The following XYLT1 variants were observed in gnomAD, a reference collection of about 807,000 sequenced individuals.
XYLT1 encodes beta-D-xylosyltransferase 1.
Under a neutral mutation model 91.3 loss-of-function variants are expected in XYLT1, and 36 were observed. The ratio of observed to expected loss-of-function variants is 0.39; its 90% CI spans 0.30 to 0.52. The LOEUF (loss-of-function observed/expected upper bound fraction) is 0.52. Ranked by LOEUF, XYLT1 falls within the 20% of genes least tolerant of loss-of-function variation. The pLI, the probability that XYLT1 is intolerant of heterozygous loss-of-function variation, is 0.68. For missense variants in XYLT1, 1,242 were observed against 1,284.5 expected, an observed-to-expected ratio of 0.97 and a Z score of 0.51; for synonymous variants, 588 against 532.0, an observed-to-expected ratio of 1.11 and a Z score of -1.45.
intron 3 of XYLT1, among the ~76,000 whole-genome samples, chr16:17,222,518 A>C (rs1354287394): frequency 6.6e-6 from 1 of 152,322 alleles, no homozygotes; most frequent in Non-Finnish European, 1.5e-5. Context: ...GACCGGGCGC[A>C]GTGGCTTACG....
chr16:17,175,620 C>A (rs2031926149), intron 5 of XYLT1, among the ~76,000 whole-genome samples: 1 of 152,172 alleles, frequency 6.6e-6, no homozygotes. Flanking sequence ...GAACTTACCT[C>A]CCTGTCCTCT....
chr16:17,122,800 C>T (rs530863183), intron 10 of XYLT1, among the ~76,000 whole-genome samples: 4 of 152,306 alleles, frequency 2.6e-5, no homozygotes, highest in East Asian at 3.9e-4. Flanking sequence ...TTCTTCTACA[C>T]GTGGCTTGCC....
chr16:17,388,525 C>A (rs1044095268), intron 1 of XYLT1, among the ~76,000 whole-genome samples: 1 of 152,136 alleles, frequency 6.6e-6, no homozygotes, highest in African/African-American at 2.4e-5. Flanking sequence ...TGAGCCCCAA[C>A]TTCTTCCTCT....
rs2032470227 is a variant in XYLT1 at position 17,198,279 on chromosome 16, G to A, written c.1222C>T (p.Leu408Phe). 6.2e-7 allele frequency: 1 copy of A among 1,614,084 alleles called. No homozygotes were observed. Among genetic ancestry groups the A allele is most frequent in the Non-Finnish European group, 8.5e-7 (1 of 1,180,030 alleles). Residue 408 changes from leucine to phenylalanine, a missense_variant, in exon 5 of 12, where the codon CTC becomes TTC. Physicochemically the swap from Leu to Phe is conservative, Grantham distance 22. This residue lies in a region of XYLT1 where 294 missense variants were observed against 376.0 expected (regional missense o/e 0.78). Transcript: ENST00000261381. ...LSTYLQSMRD[L>F]LEMTDWPWDF... ...CAGGGCCAGTCGGTCATCTCCAGGA[G>A]GTCCCGCATGCTCTGCAGGTAGGTG...
intron 2 of XYLT1, 111 bp from the exon 3 acceptor site, chr16:17,259,609 C>G: frequency 5.3e-6 from 7 of 1,310,422 alleles, no homozygotes; most frequent in Non-Finnish European, 7.3e-6. Flanking sequence ...GCCATAGTTT[C>G]ACATCCTACT....
At chr16:17,270,102 C>T (rs990619033) in intron 2 of XYLT1, among the ~76,000 whole-genome samples, 17 of 152,268 alleles carry the variant, frequency 1.1e-4, no homozygotes, top group Admixed American at 7.2e-4. Context: ...CGTGGGCCAC[C>T]GCACTCTGCT....
intron 9 of XYLT1, among the ~76,000 whole-genome samples, chr16:17,131,404 C>T (rs142437719): frequency 0.016 from 2,477 of 152,266 alleles, 197 homozygotes; most frequent in Admixed American, 0.13. Flanking sequence ...TATTTAAATA[C>T]GATGAGCACT....
intron 1 of XYLT1, among the ~76,000 whole-genome samples, chr16:17,394,905 G>A (rs942619922): frequency 6.6e-6 from 1 of 152,202 alleles, no homozygotes; most frequent in African/African-American, 2.4e-5. Flanking sequence ...AAGATCGCTT[G>A]AGGACAGGAG....
chr16:17,185,959 C>A (rs913680711), intron 5 of XYLT1, among the ~76,000 whole-genome samples: 1 of 152,016 alleles, frequency 6.6e-6, no homozygotes, highest in African/African-American at 2.4e-5. Flanking sequence ...GAGATTGTAC[C>A]ACACTCCAGC....
At chr16:17,395,264 C>A (rs1019975323) in intron 1 of XYLT1, among the ~76,000 whole-genome samples, 1 of 152,182 alleles carries the variant, frequency 6.6e-6, no homozygotes, top group African/African-American at 2.4e-5. Context: ...CCAAGTCCCT[C>A]CTTTGGCACA....
chr16:17,384,207 C>T (rs905077205), intron 1 of XYLT1, among the ~76,000 whole-genome samples: 2 of 151,760 alleles, frequency 1.3e-5, no homozygotes, highest in Admixed American at 1.3e-4. Flanking sequence ...GCAGTTCCAG[C>T]CCTGGGCCCA....
intron 5 of XYLT1, among the ~76,000 whole-genome samples, chr16:17,194,853 C>T (rs1267788689): frequency 6.6e-6 from 1 of 152,226 alleles, no homozygotes; most frequent in African/African-American, 2.4e-5. Context: ...CAAGTGTCTG[C>T]CACACTAGCT....
In XYLT1 at chr16:17,352,069, G is replaced by A. The variant is rs138310862; in HGVS notation, c.402+5943C>T. Among the ~76,000 whole-genome samples the A allele has an allele frequency of 7.9e-4, 121 of 152,210 alleles. 1 individual carries two copies. The highest frequency in any genetic ancestry group is 2.8e-3 in the African/African-American group (117 of 41,536). On this transcript the variant is annotated intron_variant, in intron 2 of 11. Transcript: ENST00000261381. The stretch of plus-strand genomic sequence containing the variant: ...CAGGAGGTTGAAGCTGCAGTGAACC[G>A]AGATGGAGTCACTGCACTTCCAGCC...
chr16:17,444,692 A>G (rs1421549913), intron 1 of XYLT1, among the ~76,000 whole-genome samples: 1 of 152,158 alleles, frequency 6.6e-6, no homozygotes, highest in Admixed American at 6.5e-5. Flanking sequence ...CACATAGTAG[A>G]TGCTCAATAA....
At chr16:17,132,535 AC>A (rs2030525223) in intron 9 of XYLT1, among the ~76,000 whole-genome samples, 1 of 47,470 alleles carries the variant, frequency 2.1e-5, no homozygotes, top group Non-Finnish European at 8.9e-5. Context: ...AGCAGTTAGT[AC>A]ATGGCAACTG....
chr16:17,385,269 T>C (rs7498446), intron 1 of XYLT1, among the ~76,000 whole-genome samples: 1,759 of 119,910 alleles, frequency 0.015, 13 homozygotes, highest in Non-Finnish European at 0.018. Flanking sequence ...TAAACACACA[T>C]ACACACACAC....
intron 4 of XYLT1, 21 bp downstream of exon 4, chr16:17,200,461 G>A (rs772941822): frequency 1.9e-6 from 3 of 1,604,240 alleles, no homozygotes; most frequent in South Asian, 2.2e-5. Flanking sequence ...CCAGCAAGGG[G>A]TGATCACAGA....
chr16:17,325,695 TG>T lies in XYLT1; in HGVS notation c.402+32316del, dbSNP rs1567375394. Among the ~76,000 whole-genome samples, 12 of 152,214 alleles carry T rather than the reference TG, an allele frequency of 7.9e-5. No homozygotes were observed. The South Asian group carries it at 2.5e-3, about 32-fold the overall frequency. ...CCGTGGGAATATATTGCCTTATGAG[TG>T]GGGGAAAAAATTCCATTCAAACATT... is the stretch of plus-strand genomic sequence containing the variant. On this transcript the variant is annotated intron_variant, in intron 2 of 11. Transcript: ENST00000261381.
intron 2 of XYLT1, chr16:17,338,578 G>A (rs1488756070): frequency 2.2e-6 from 1 of 447,958 alleles, no homozygotes; most frequent in East Asian, 7.0e-5. Flanking sequence ...TGTCGGGAAT[G>A]GTCTTTCGTG....
Sources: gnomAD v4.1 joint callset for allele counts (sites outside exome capture counted in the v4.1 genomes callset) on GRCh38, gnomAD v4.1.1 for gene constraint, gnomAD v4.1.1 regional missense constraint, MANE v1.5 for transcripts, NCBI Gene and HGNC (gene_info 2026-07-23, HGNC 2026-07-21) for gene names.